ANXA8: variants seen among roughly 807,000 people sequenced by gnomAD.
ANXA8 encodes VAC-beta.
ANXA8 carries 9 observed loss-of-function variants against 26.8 expected under a neutral mutation model. That is an observed-to-expected ratio of 0.34 (90% CI 0.20 to 0.59). The LOEUF (loss-of-function observed/expected upper bound fraction) is 0.59. Among genes scored for constraint, ANXA8 ranks in the 20% least tolerant of loss-of-function variants. The probability of loss-of-function intolerance (pLI) is 0.84; values close to 1 mark genes in which losing one functional copy is unlikely to be tolerated. For synonymous variants in ANXA8, 39 were observed against 94.8 expected, an observed-to-expected ratio of 0.41 and a Z score of 3.42; for missense variants, 83 against 238.5, an observed-to-expected ratio of 0.35 and a Z score of 4.29.
the ANXA8 span, among the ~76,000 whole-genome samples, chr10:47,969,863 G>A: frequency 1.3e-5 from 2 of 151,252 alleles, no homozygotes; most frequent in African/African-American, 4.8e-5. Context: ...TTACAGGTGG[G>A]AGCCACAGTG....
the ANXA8 span, among the ~76,000 whole-genome samples, chr10:47,765,513 G>T: frequency 6.7e-6 from 1 of 150,196 alleles, no homozygotes; most frequent in South Asian, 2.1e-4. Context: ...TTGGGTAGTG[G>T]GATGTTTTTT....
chr10:47,553,412 C>G, the ANXA8 span: 1,489 of 156,880 alleles, frequency 9.5e-3, 2 homozygotes, highest in Admixed American at 0.016. Context: ...GCGCACGACT[C>G]GCGATCTTCC....
the ANXA8 span, among the ~76,000 whole-genome samples, chr10:47,540,428 AC>A: frequency 3.2e-5 from 4 of 125,638 alleles, 1 homozygote; most frequent in African/African-American, 1.2e-4. Context: ...TAAAGGAATA[AC>A]CCTTAAAAAA....
the ANXA8 span, among the ~76,000 whole-genome samples, chr10:47,977,855 AAAG>A: frequency 1.3e-5 from 2 of 151,236 alleles, no homozygotes; most frequent in African/African-American, 2.4e-5. Context: ...GAGAATCCCA[AAAG>A]AAGAGGAGAT....
the ANXA8 span, among the ~76,000 whole-genome samples, chr10:47,643,478 G>A: frequency 6.8e-5 from 10 of 147,642 alleles, no homozygotes; most frequent in South Asian, 4.2e-4. Flanking sequence ...GCAGTGAGCC[G>A]AGATCACACC....
At chr10:47,557,241 T>G in the ANXA8 span, among the ~76,000 whole-genome samples, 1 of 144,652 alleles carries the variant, frequency 6.9e-6, no homozygotes, top group Admixed American at 6.9e-5. Context: ...ACTCCTGACC[T>G]CAAATGATCT....
chr10:47,736,433 CAT>C, the ANXA8 span, among the ~76,000 whole-genome samples: 1 of 80,910 alleles, frequency 1.2e-5, no homozygotes, highest in African/African-American at 4.8e-5. Context: ...AATCAATCAA[CAT>C]AGATTAAATC....
At chr10:47,945,050 G>T in the ANXA8 span, among the ~76,000 whole-genome samples, 1 of 150,504 alleles carries the variant, frequency 6.6e-6, no homozygotes, top group Admixed American at 6.6e-5. Context: ...CAGCTAGCCT[G>T]GAGTGGAGAG....
chr10:47,502,401 A>T, the ANXA8 span: 249 of 1,610,310 alleles, frequency 1.5e-4, 4 homozygotes, highest in South Asian at 2.4e-3. Context: ...GTGGGGCCAG[A>T]AAGAGCTTCT....
chr10:47,484,366 G>T, upstream of ANXA8: 2 of 848,966 alleles, frequency 2.4e-6, no homozygotes, highest in South Asian at 1.6e-5. Flanking sequence ...TTACAGGCAT[G>T]AGCCACCGCA....
chr10:47,484,976 C>G (rs1335358945), upstream of ANXA8, among the ~76,000 whole-genome samples: 13 of 148,096 alleles, frequency 8.8e-5, no homozygotes, highest in East Asian at 2.2e-4. Context: ...ACCCGCTCAT[C>G]CTGGAGCCGC....
chr10:47,528,020 C>A, the ANXA8 span, among the ~76,000 whole-genome samples: 4 of 143,202 alleles, frequency 2.8e-5, no homozygotes, highest in Admixed American at 7.1e-5. Flanking sequence ...GACACTAGAG[C>A]TATTTCTGGT....
At chr10:47,944,030 T>C in the ANXA8 span, among the ~76,000 whole-genome samples, 1 of 147,622 alleles carries the variant, frequency 6.8e-6, no homozygotes, top group Admixed American at 6.7e-5. Context: ...ACTTTCTTAG[T>C]TGGCTCGGGC....
chr10:47,983,635 G>GT, the ANXA8 span, among the ~76,000 whole-genome samples: 24 of 72,952 alleles, frequency 3.3e-4, no homozygotes, highest in African/African-American at 1.2e-3. Context: ...TAGGAAATTG[G>GT]TATTTTCCTT....
the ANXA8 span, among the ~76,000 whole-genome samples, chr10:47,684,600 T>G: frequency 6.6e-6 from 1 of 151,862 alleles, no homozygotes; most frequent in Admixed American, 6.6e-5. Context: ...TTGAGATTTT[T>G]TTTGAGACAG....
At chr10:47,976,378 T>C in the ANXA8 span, among the ~76,000 whole-genome samples, 3 of 151,402 alleles carry the variant, frequency 2.0e-5, no homozygotes, top group Non-Finnish European at 4.4e-5. Context: ...GCCTTATTCG[T>C]AGTCTTCTTT....
At chr10:47,952,622 T>C in the ANXA8 span, among the ~76,000 whole-genome samples, 2 of 146,784 alleles carry the variant, frequency 1.4e-5, no homozygotes, top group African/African-American at 5.3e-5. Flanking sequence ...CTCCTGATTT[T>C]TGGTTGAAAT....
At chr10:47,716,014 G>A in the ANXA8 span, among the ~76,000 whole-genome samples, 1 of 149,242 alleles carries the variant, frequency 6.7e-6, no homozygotes, top group Admixed American at 6.7e-5. Flanking sequence ...CTTTCGCGTA[G>A]CTGAGGAGGG....
At chr10:47,960,684 C>T in the ANXA8 span, among the ~76,000 whole-genome samples, 1 of 148,848 alleles carries the variant, frequency 6.7e-6, no homozygotes, top group Admixed American at 6.6e-5. Context: ...GTCACCCGCA[C>T]TCAGATTCAA....
Sources: allele counts gnomAD v4.1 joint callset (sites outside exome capture counted in the v4.1 genomes callset), GRCh38; gene constraint gnomAD v4.1.1; transcripts MANE v1.5; gene names NCBI Gene and HGNC (gene_info 2026-07-23, HGNC 2026-07-21).